CCSER1: variants seen among roughly 807,000 people sequenced by gnomAD.
CCSER1 encodes serine-rich coiled-coil domain-containing protein 1.
CCSER1 carries 41 observed loss-of-function variants against 82.0 expected under a neutral mutation model. The observed-to-expected ratio is 0.50, with a 90% CI of 0.39 to 0.65. The LOEUF is 0.65. Among genes scored for constraint, CCSER1 ranks in the 30% least tolerant of loss-of-function variants. The probability of loss-of-function intolerance (pLI) is 0.00; values close to 1 mark genes in which losing one functional copy is unlikely to be tolerated. For missense variants in CCSER1, 1,119 were observed against 1,064.2 expected (o/e 1.05, Z -0.72); for synonymous variants, 414 against 383.9 (o/e 1.08, Z -0.92).
intron 6 of CCSER1, among the ~76,000 whole-genome samples, chr4:90,669,285 A>G (rs1213449166): frequency 6.6e-6 from 1 of 152,074 alleles, no homozygotes; most frequent in Non-Finnish European, 1.5e-5. Context: ...ATAAAAACTT[A>G]TTAAAATATA....
intron 7 of CCSER1, among the ~76,000 whole-genome samples, chr4:90,789,023 CA>C (rs1392908752): frequency 1.3e-5 from 2 of 152,062 alleles, no homozygotes; most frequent in Non-Finnish European, 2.9e-5. Context: ...CACACACACA[CA>C]CACCATCTCA....
chr4:90,203,954 T>C (rs1023011126), intron 1 of CCSER1, among the ~76,000 whole-genome samples: 1 of 152,188 alleles, frequency 6.6e-6, no homozygotes, highest in Non-Finnish European at 1.5e-5. Flanking sequence ...GATTATGAGC[T>C]TTTTTTCCTA....
At chr4:90,363,596 C>G (rs1745767052) in intron 3 of CCSER1, among the ~76,000 whole-genome samples, 1 of 126,846 alleles carries the variant, frequency 7.9e-6, no homozygotes. Context: ...TAAAGACTTT[C>G]AAGGGCAGAA....
chr4:91,411,495 T>C (rs1448818558), intron 10 of CCSER1, among the ~76,000 whole-genome samples: 1 of 55,220 alleles, frequency 1.8e-5, no homozygotes, highest in African/African-American at 6.8e-5. Flanking sequence ...TATATACATA[T>C]ATATATATAT....
At chr4:91,463,282 C>A (rs1227781364) in intron 10 of CCSER1, among the ~76,000 whole-genome samples, 1 of 152,216 alleles carries the variant, frequency 6.6e-6, no homozygotes, top group Admixed American at 6.5e-5. Flanking sequence ...CTCAACAGAC[C>A]TGCAGCTGAG....
chr4:90,384,667 C>T (rs1257362292), intron 3 of CCSER1, among the ~76,000 whole-genome samples: 1 of 152,148 alleles, frequency 6.6e-6, no homozygotes, highest in Non-Finnish European at 1.5e-5. Context: ...GGAGCCACTC[C>T]TCTCTGTTCC....
intron 10 of CCSER1, among the ~76,000 whole-genome samples, chr4:91,147,109 T>C (rs1729615055): frequency 6.6e-6 from 1 of 152,154 alleles, no homozygotes; most frequent in African/African-American, 2.4e-5. Flanking sequence ...GTTCCACTGG[T>C]CCTTTGAGCT....
intron 4 of CCSER1, among the ~76,000 whole-genome samples, chr4:90,431,705 GT>G (rs146197999): frequency 0.013 from 2,045 of 152,178 alleles, 41 homozygotes; most frequent in African/African-American, 0.046. Flanking sequence ...TTAATTTCAT[GT>G]AGCATTGTTG....
intron 8 of CCSER1, among the ~76,000 whole-genome samples, chr4:90,855,861 A>C (rs1182303907): frequency 6.6e-6 from 1 of 152,124 alleles, no homozygotes; most frequent in Non-Finnish European, 1.5e-5. Context: ...TTAAATATTT[A>C]TCTACTTGTG....
At chr4:90,478,944 T>G (rs1441274302) in intron 5 of CCSER1, among the ~76,000 whole-genome samples, 1 of 152,016 alleles carries the variant, frequency 6.6e-6, no homozygotes, top group Non-Finnish European at 1.5e-5. Flanking sequence ...TTTCACCATG[T>G]TAGTCAGGCT....
intron 10 of CCSER1, among the ~76,000 whole-genome samples, chr4:91,473,577 T>C (rs1317542913): frequency 1.3e-5 from 2 of 152,128 alleles, no homozygotes; most frequent in Admixed American, 1.3e-4. Flanking sequence ...CTAGCTCTTT[T>C]ATCTCAGACA....
chr4:91,590,820 T>C (rs1471793377), intron 10 of CCSER1, among the ~76,000 whole-genome samples: 1 of 152,110 alleles, frequency 6.6e-6, no homozygotes, highest in Non-Finnish European at 1.5e-5. Flanking sequence ...ATAATAAGGA[T>C]TATATGTGTT....
intron 9 of CCSER1, among the ~76,000 whole-genome samples, chr4:90,938,205 G>T (rs73834588): frequency 2.6e-5 from 4 of 151,942 alleles, no homozygotes; most frequent in Non-Finnish European, 5.9e-5. Context: ...TTGCAGATTA[G>T]CAAAATTCTG....
chr4:90,591,476 A>C (rs899015976), intron 5 of CCSER1, among the ~76,000 whole-genome samples: 6 of 152,184 alleles, frequency 3.9e-5, no homozygotes, highest in African/African-American at 1.2e-4. Context: ...ATATCAAAAC[A>C]ACAATGAGAT....
At chr4:91,130,290 T>A (rs955257662) in intron 10 of CCSER1, among the ~76,000 whole-genome samples, 1 of 151,928 alleles carries the variant, frequency 6.6e-6, no homozygotes, top group Non-Finnish European at 1.5e-5. Flanking sequence ...GAGCAAAGTA[T>A]AGCTTATTTC....
At chr4:90,300,382 G>T (rs1442335301) in intron 1 of CCSER1, among the ~76,000 whole-genome samples, 1 of 152,096 alleles carries the variant, frequency 6.6e-6, no homozygotes, top group Non-Finnish European at 1.5e-5. Context: ...TACCTAATCT[G>T]TGCCAAGCAG....
At chr4:91,076,358 T>C (rs1722000165) in intron 9 of CCSER1, among the ~76,000 whole-genome samples, 1 of 152,114 alleles carries the variant, frequency 6.6e-6, no homozygotes, top group African/African-American at 2.4e-5. Flanking sequence ...TAAATGCTTA[T>C]TCCCAGCTCC....
chr4:91,556,719 G>A (rs1762425449), intron 10 of CCSER1, among the ~76,000 whole-genome samples: 1 of 150,990 alleles, frequency 6.6e-6, no homozygotes, highest in Non-Finnish European at 1.5e-5. Context: ...TAATATTTCA[G>A]CAACTTTCAT....
chr4:91,389,477 GTAGCTTTATAA>G (rs1476792203), intron 10 of CCSER1, among the ~76,000 whole-genome samples: 1 of 151,872 alleles, frequency 6.6e-6, no homozygotes, highest in Non-Finnish European at 1.5e-5. Context: ...TCTGATTACT[GTAGCTTTATAA>G]TAGGTCTCAA....
Sources: gnomAD v4.1 joint callset for allele counts (sites outside exome capture counted in the v4.1 genomes callset) on GRCh38, gnomAD v4.1.1 for gene constraint, MANE v1.5 for transcripts, NCBI Gene and HGNC (gene_info 2026-07-23, HGNC 2026-07-21) for gene names.